FANCD2: variants seen among roughly 807,000 people sequenced by gnomAD.
FANCD2 encodes Fanconi anemia group D2 protein.
A neutral mutation model predicts 192.3 loss-of-function variants in FANCD2; 131 were observed. The ratio of observed to expected loss-of-function variants is 0.68; its 90% CI spans 0.59 to 0.79. The LOEUF (loss-of-function observed/expected upper bound fraction) is 0.79, where lower values mean the gene tolerates loss of function less well. Among genes scored for constraint, FANCD2 ranks in the 30% least tolerant of loss-of-function variants. FANCD2 has a pLI of 0.00. For synonymous variants in FANCD2, 524 were observed against 612.5 expected (o/e 0.86, Z 2.13); for missense variants, 1,508 against 1,701.6 (o/e 0.89, Z 2.00).
rs1419879344 is a variant in FANCD2, at chr3:10,093,325, T to G, written c.3888+2T>G. The G allele has an allele frequency of 8.1e-6, 13 of 1,610,746 alleles. No individual in the cohort carries two copies. The highest frequency in any genetic ancestry group is 1.0e-5 in the Non-Finnish European group (12 of 1,177,026). On this transcript the variant is annotated splice_donor_variant, in intron 39 of 43. Transcript: ENST00000675286. LOFTEE classifies it high-confidence loss of function. ...CCTGTTCTGCATGTATGTTTGAAGG[T>G]GAGAGATTTACTGGGCCCTGTTTCA... is the stretch of plus-strand genomic sequence containing the variant.
chr3:10,050,492 G>A (rs770126131), intron 17 of FANCD2, among the ~76,000 whole-genome samples: 7 of 151,806 alleles, frequency 4.6e-5, no homozygotes, highest in African/African-American at 9.7e-5. Flanking sequence ...GCATCGTGGC[G>A]GTCGCCTGTA....
At position 10,101,199 on chromosome 3, in the gene FANCD2, AGAC is replaced by A; in HGVS notation, c.4296_4298del (p.Asp1432del). ...TCTTTGCCCCTTAGGATGGTGAAGA[AGAC>A]GAAGTAAGTGCTGGAGAAAAGGAGC... On this transcript the variant is annotated inframe_deletion, in exon 44 of 44. Coordinates refer to ENST00000675286, the MANE Select transcript of FANCD2 (RefSeq NM_001018115.3). The A allele has an allele frequency of 6.2e-7, 1 of 1,613,040 alleles. No individual in the cohort carries two copies. The highest frequency in any genetic ancestry group is 8.5e-7 in the Non-Finnish European group (1 of 1,179,090).
chr3:10,062,261 T>TA (rs764221260), intron 20 of FANCD2, 50 bp downstream of exon 20: 13 of 1,380,684 alleles, frequency 9.4e-6, no homozygotes, highest in African/African-American at 5.7e-5. Context: ...TTTTTTTTTT[T>TA]AGAGAGTCTC....
chr3:10,089,725 C>A (rs1203462241), intron 36 of FANCD2, among the ~76,000 whole-genome samples: 1 of 152,200 alleles, frequency 6.6e-6, no homozygotes, highest in Non-Finnish European at 1.5e-5. Flanking sequence ...GCCTCGGCCT[C>A]TCAAAGTGCT....
intron 3 of FANCD2, 72 bp downstream of exon 3, chr3:10,033,044 A>G: frequency 8.3e-7 from 1 of 1,199,206 alleles, no homozygotes; most frequent in South Asian, 1.3e-5. Flanking sequence ...GGTTTTCTAA[A>G]TAGAGAGGCA....
intron 18 of FANCD2, among the ~76,000 whole-genome samples, chr3:10,056,158 C>A (rs1203366116): frequency 6.6e-6 from 1 of 152,190 alleles, no homozygotes; most frequent in Non-Finnish European, 1.5e-5. Flanking sequence ...GGACTACAGG[C>A]GTGAGCCACT....
In FANCD2 at chr3:10,101,065, TA is replaced by T. The variant is rs78434344; in HGVS notation, c.4282-109del. 0.34 allele frequency: 198,015 copies of T among 579,532 alleles called. 5,156 individuals carry two copies. Among genetic ancestry groups the T allele is most frequent in the African/African-American group, 0.4 (20,746 of 51,714 alleles). 35.9% of individuals were successfully genotyped at this position (579,532 alleles called of 1,614,324 possible). A position where few individuals can be genotyped will look rare whatever the true frequency, so the allele number is the denominator to read the frequency against. On this transcript the variant is annotated intron_variant, in intron 43 of 43. Coordinates refer to ENST00000675286, the MANE Select transcript of FANCD2 (RefSeq NM_001018115.3). Reference sequence around the variant, plus strand: ...GCCTGGTGACAGAGCAAGACTCCTTTAAAAAAAAAAAAAAGTTTTAACAGTG... The same window carrying T: ...GCCTGGTGACAGAGCAAGACTCCTTTAAAAAAAAAAAAAGTTTTAACAGTG...
At chr3:10,050,547 C>T (rs1448200282) in intron 17 of FANCD2, among the ~76,000 whole-genome samples, 3 of 147,408 alleles carry the variant, frequency 2.0e-5, no homozygotes, top group African/African-American at 7.5e-5. Flanking sequence ...GGCGTGAACC[C>T]AGGAGGCGGA....
intron 30 of FANCD2, 88 bp downstream of exon 30, chr3:10,078,285 G>A: frequency 1.1e-6 from 1 of 895,390 alleles, no homozygotes; most frequent in Non-Finnish European, 1.9e-6. Context: ...ACTTTCTTTG[G>A]CATTGTGTTT....
intron 6 of FANCD2, 121 bp from the exon 7 acceptor site, chr3:10,036,166 A>G: frequency 1.4e-6 from 1 of 714,158 alleles, no homozygotes. Flanking sequence ...GGCTCACTGC[A>G]ATCTCTGCCT....
intron 8 of FANCD2, 97 bp downstream of exon 8, chr3:10,039,454 C>T: frequency 9.1e-7 from 1 of 1,098,022 alleles, no homozygotes; most frequent in Non-Finnish European, 1.3e-6. Context: ...AAAATTCATA[C>T]TTTTCCATCC....
In FANCD2 at chr3:10,060,418, T is replaced by C. The variant is rs748023774; in HGVS notation, c.1766+15T>C. 1 of 1,587,720 alleles carries C rather than the reference T, an allele frequency of 6.3e-7. No homozygotes were observed. The highest frequency in any genetic ancestry group is 8.7e-7 in the Non-Finnish European group (1 of 1,155,886). On this transcript the variant is annotated intron_variant, in intron 19 of 43. Transcript: ENST00000675286. ...GCGGCAGACAGGTACACGTGGAGAT[T>C]CTGACTTCTGTGGTTTAAGATCAGT...
chr3:10,071,357 A>G (rs1033300170), intron 26 of FANCD2, among the ~76,000 whole-genome samples: 25 of 152,186 alleles, frequency 1.6e-4, no homozygotes, highest in Non-Finnish European at 3.5e-4. Context: ...CCCAAAAGAA[A>G]GGAAATCAGT....
intron 32 of FANCD2, among the ~76,000 whole-genome samples, chr3:10,084,740 G>C (rs895467116): frequency 4.6e-5 from 7 of 152,226 alleles, no homozygotes; most frequent in Non-Finnish European, 1.0e-4. Context: ...CTGGTGATCA[G>C]GAAGATGCTT....
At chr3:10,075,802 C>T (rs1326722319) in intron 29 of FANCD2, among the ~76,000 whole-genome samples, 1 of 129,740 alleles carries the variant, frequency 7.7e-6, no homozygotes, top group East Asian at 2.4e-4. Context: ...GGGATCTTGG[C>T]TCACTGCAAG....
intron 21 of FANCD2, 64 bp from the exon 22 acceptor site, chr3:10,064,287 AGTAAT>A: frequency 9.8e-7 from 1 of 1,024,802 alleles, no homozygotes; most frequent in Non-Finnish European, 1.6e-6. Context: ...AAAGGTTAAG[AGTAAT>A]TTATCTAGGG....
At chr3:10,046,070 T>TTTTTTTTTTTA (rs2086998379) in intron 14 of FANCD2, among the ~76,000 whole-genome samples, 1 of 150,282 alleles carries the variant, frequency 6.7e-6, no homozygotes, top group African/African-American at 2.5e-5. Flanking sequence ...TTTTTTTTTT[T>TTTTTTTTTTTA]GAGAATGGAA....
intron 18 of FANCD2, among the ~76,000 whole-genome samples, chr3:10,053,212 G>A (rs2087269646): frequency 6.6e-6 from 1 of 150,396 alleles, no homozygotes; most frequent in Admixed American, 6.7e-5. Context: ...AAAATGATGA[G>A]TTCATGTCCT....
chr3:10,041,841 T>TA, intron 10 of FANCD2, 131 bp downstream of exon 10: 1 of 629,992 alleles, frequency 1.6e-6, no homozygotes, highest in Non-Finnish European at 2.8e-6. Context: ...TTGATATCTC[T>TA]CTTTTTTTTT....
Sources: gnomAD v4.1 joint callset for allele counts (sites outside exome capture counted in the v4.1 genomes callset) on GRCh38, gnomAD v4.1.1 for gene constraint, MANE v1.5 for transcripts, NCBI Gene and HGNC (gene_info 2026-07-23, HGNC 2026-07-21) for gene names.